RBFOX1: variants seen among roughly 807,000 people sequenced by gnomAD.
RBFOX1 encodes RNA binding fox-1 homolog 1.
Under a neutral mutation model 57.7 loss-of-function variants are expected in RBFOX1, and 8 were observed. That is an observed-to-expected ratio of 0.14 (90% confidence interval 0.08 to 0.25). The LOEUF (loss-of-function observed/expected upper bound fraction) is 0.25, where lower values mean the gene tolerates loss of function less well. Ranked by LOEUF, RBFOX1 falls within the 10% of genes least tolerant of loss-of-function variation. RBFOX1 has a pLI of 1.00. For missense variants in RBFOX1, 611 were observed against 548.5 expected, an observed-to-expected ratio of 1.11 and a Z score of -1.14; for synonymous variants, 326 against 222.4, an observed-to-expected ratio of 1.47 and a Z score of -4.15.
At chr16:6,281,662 TCA>T (rs922505051) in intron 1 of RBFOX1, among the ~76,000 whole-genome samples, 15 of 152,138 alleles carry the variant, frequency 9.9e-5, no homozygotes, top group Non-Finnish European at 2.1e-4. Context: ...GGCAAAAACC[TCA>T]GTTACTTTTG....
chr16:6,885,689 A>C lies in RBFOX1; in HGVS notation c.-15-166368A>C, dbSNP rs190946322. Among the ~76,000 whole-genome samples, 3 of 151,432 alleles carry C rather than the reference A, an allele frequency of 2.0e-5. No individual in the cohort carries two copies. In the East Asian group the frequency reaches 5.9e-4, roughly 30 times the overall value. The stretch of plus-strand genomic sequence containing the variant: ...TGGGATTACAGGCCCCTGCCACCAC[A>C]CTCAGCTAATTTTTCTATCTTTAGT... On this transcript the variant is annotated intron_variant, in intron 3 of 15. Transcript: ENST00000550418.
At chr16:6,770,042 T>G (rs2154210983) in intron 3 of RBFOX1, among the ~76,000 whole-genome samples, 1 of 152,232 alleles carries the variant, frequency 6.6e-6, no homozygotes, top group South Asian at 2.1e-4. Flanking sequence ...ACAGGACTTT[T>G]AATGAGGAAA....
At chr16:7,475,196 C>A (rs75377118) in intron 4 of RBFOX1, among the ~76,000 whole-genome samples, 1 of 151,618 alleles carries the variant, frequency 6.6e-6, no homozygotes, top group African/African-American at 2.4e-5. Context: ...CATAGCAACT[C>A]GGGAGGGAGA....
In RBFOX1 at chr16:6,342,719, G is replaced by T. The variant is rs191754834; in HGVS notation, c.-64+25662G>T. The stretch of plus-strand genomic sequence containing the variant: ...AAATGCTTTTTGTGAAATGTGTTTG[G>T]TATTTGATAAATCTCTTCGGTGCGT... On this transcript the variant is annotated intron_variant, in intron 2 of 15. Transcript: ENST00000550418. 2.0e-4 allele frequency among the ~76,000 whole-genome samples: 31 copies of T among 152,166 alleles called. 1 individual carries two copies. The highest frequency in any genetic ancestry group is 1.5e-3 in the East Asian group (8 of 5,170).
intron 2 of RBFOX1, among the ~76,000 whole-genome samples, chr16:6,595,511 C>G (rs1050505664): frequency 2.0e-5 from 3 of 152,138 alleles, no homozygotes; most frequent in Non-Finnish European, 2.9e-5. Context: ...AACAATGCTT[C>G]TATGAACATT....
intron 4 of RBFOX1, among the ~76,000 whole-genome samples, chr16:7,390,901 T>G (rs1045046985): frequency 2.6e-5 from 4 of 152,088 alleles, no homozygotes; most frequent in Admixed American, 2.6e-4. Context: ...AAAATTACAA[T>G]TATGGAATAA....
rs186634600 is a variant in RBFOX1, at chr16:5,586,125, G to C, written c.259-12777G>C. On this transcript the variant is annotated intron_variant, in intron 2 of 2. Coordinates refer to the RBFOX1 transcript ENST00000585867. ...CGGGACTGATGCTTCTACAAGCCAA[G>C]GCACCTTGAGGATCTCTGTGGCCAG... Among the ~76,000 whole-genome samples the C allele has an allele frequency of 1.7e-3, 254 of 152,276 alleles. 1 individual carries two copies. Among genetic ancestry groups the C allele is most frequent in the South Asian group, 0.013 (63 of 4,818 alleles).
chr16:7,069,431 AG>A (rs1363019039), intron 4 of RBFOX1, among the ~76,000 whole-genome samples: 1 of 152,042 alleles, frequency 6.6e-6, no homozygotes, highest in Non-Finnish European at 1.5e-5. Flanking sequence ...CCTACTTACA[AG>A]TGAGAGCATG....
chr16:5,927,863 A>G (rs1322810645), intron 4 of RBFOX1, among the ~76,000 whole-genome samples: 1 of 152,204 alleles, frequency 6.6e-6, no homozygotes, highest in East Asian at 1.9e-4. Context: ...CACAAATATT[A>G]CACGATCCCA....
chr16:6,067,383 C>A (rs59265619), intron 1 of RBFOX1, among the ~76,000 whole-genome samples: 122,964 of 143,526 alleles, frequency 0.86, 51,248 homozygotes, highest in Non-Finnish European at 0.91. Flanking sequence ...AACAAACCAA[C>A]CAAACAAACA....
intron 4 of RBFOX1, among the ~76,000 whole-genome samples, chr16:7,446,512 C>A (rs375378131): frequency 5.7e-4 from 87 of 152,262 alleles, no homozygotes; most frequent in African/African-American, 1.9e-3. Flanking sequence ...TTGGAAGAAG[C>A]AAGAAGGTTG....
At chr16:7,095,259 A>T (rs1004887289) in intron 4 of RBFOX1, among the ~76,000 whole-genome samples, 1 of 151,828 alleles carries the variant, frequency 6.6e-6, no homozygotes, top group East Asian at 1.9e-4. Flanking sequence ...GCCTCAGCCT[A>T]CCCAAGTAGC....
chr16:7,107,467 T>C (rs1168238333), intron 4 of RBFOX1, among the ~76,000 whole-genome samples: 1 of 152,152 alleles, frequency 6.6e-6, no homozygotes, highest in Non-Finnish European at 1.5e-5. Flanking sequence ...CTTTATTTTC[T>C]TAAACACAGC....
chr16:5,974,093 GAGT>G (rs1478033623), intron 4 of RBFOX1, among the ~76,000 whole-genome samples: 1 of 152,180 alleles, frequency 6.6e-6, no homozygotes, highest in Non-Finnish European at 1.5e-5. Context: ...AATGAATGTA[GAGT>G]GCTCAGCCCA....
At chr16:7,505,357 A>C (rs1057461686) in intron 4 of RBFOX1, among the ~76,000 whole-genome samples, 2 of 152,120 alleles carry the variant, frequency 1.3e-5, no homozygotes, top group Non-Finnish European at 2.9e-5. Flanking sequence ...AGAGGTTTTC[A>C]GTGGCAAGAC....
chr16:5,780,518 G>A (rs13380586), intron 3 of RBFOX1, among the ~76,000 whole-genome samples: 1 of 152,112 alleles, frequency 6.6e-6, no homozygotes, highest in East Asian at 1.9e-4. Context: ...GATATATACA[G>A]TGTGTATTTG....
At chr16:5,709,068 C>A (rs957298110) in intron 3 of RBFOX1, among the ~76,000 whole-genome samples, 1 of 152,176 alleles carries the variant, frequency 6.6e-6, no homozygotes, top group African/African-American at 2.4e-5. Flanking sequence ...TAATAGATCC[C>A]GTGAGTCATC....
intron 2 of RBFOX1, among the ~76,000 whole-genome samples, chr16:6,467,705 C>A (rs539302397): frequency 6.6e-6 from 1 of 152,260 alleles, no homozygotes; most frequent in East Asian, 1.9e-4. Flanking sequence ...GTGTGATATG[C>A]CACTGGACTC....
chr16:5,331,271 T>C lies in RBFOX1; in HGVS notation c.219+91166T>C, dbSNP rs577107481. 2.0e-5 allele frequency among the ~76,000 whole-genome samples: 3 copies of C among 152,392 alleles called. No individual in the cohort carries two copies. In the South Asian group the frequency reaches 6.2e-4, roughly 32 times the overall value. ...CGTTCATCACCAGATGGTTGTCATG[T>C]ATCTCACGTGCTTTGGGCTTCGTAT... On this transcript the variant is annotated intron_variant, in intron 1 of 2. Coordinates refer to the RBFOX1 transcript ENST00000585867.
Sources: allele counts gnomAD v4.1 joint callset (sites outside exome capture counted in the v4.1 genomes callset), GRCh38; gene constraint gnomAD v4.1.1; transcripts MANE v1.5; gene names NCBI Gene and HGNC (gene_info 2026-07-23, HGNC 2026-07-21).